The following RPGRIP1 variants were observed in gnomAD, a reference collection of about 807,000 sequenced individuals.
The protein encoded by RPGRIP1 is X-linked retinitis pigmentosa GTPase regulator-interacting protein 1.
In RPGRIP1, 128 loss-of-function variants were observed where a neutral mutation model predicts 157.9. That is an observed-to-expected ratio of 0.81 (90% CI 0.70 to 0.94). RPGRIP1 has a LOEUF of 0.94. Ranked by LOEUF, RPGRIP1 falls within the 40% of genes least tolerant of loss-of-function variation. RPGRIP1 has a pLI of 0.00. For synonymous variants in RPGRIP1, 554 were observed against 571.6 expected, an observed-to-expected ratio of 0.97 and a Z score of 0.44; for missense variants, 1,486 against 1,545.8, an observed-to-expected ratio of 0.96 and a Z score of 0.65.
intron 5 of RPGRIP1, chr14:21,302,802 GT>G (rs1200226472): frequency 3.5e-6 from 1 of 283,734 alleles, no homozygotes; most frequent in Non-Finnish European, 6.6e-6. Context: ...CCATTTCTCA[GT>G]TGAAGGTATT....
At chr14:21,309,395 C>G (rs1196785041) in intron 7 of RPGRIP1, among the ~76,000 whole-genome samples, 2 of 152,026 alleles carry the variant, frequency 1.3e-5, no homozygotes, top group East Asian at 3.9e-4. Flanking sequence ...GCCTGTAGTC[C>G]TAGCTACTAT....
intron 19 of RPGRIP1, among the ~76,000 whole-genome samples, chr14:21,329,201 G>C (rs1183697960): frequency 6.6e-6 from 1 of 151,122 alleles, no homozygotes; most frequent in Non-Finnish European, 1.5e-5. Context: ...TGTAATCCCA[G>C]CTACTCAGTC....
chr14:21,306,240 C>A (rs1472094575), intron 6 of RPGRIP1, among the ~76,000 whole-genome samples: 1 of 141,812 alleles, frequency 7.1e-6, no homozygotes, highest in Non-Finnish European at 1.5e-5. Flanking sequence ...CAAGCAAATT[C>A]TCCTGCCTCA....
chr14:21,317,497 G>A (rs1440927845), intron 10 of RPGRIP1, 199 bp from the exon 11 acceptor site: 1 of 1,323,886 alleles, frequency 7.6e-7, no homozygotes. Context: ...AAACAGAAAT[G>A]GTACTGAGCA....
intron 21 of RPGRIP1, among the ~76,000 whole-genome samples, chr14:21,338,865 G>A (rs1358297702): frequency 2.6e-5 from 4 of 152,238 alleles, no homozygotes; most frequent in Admixed American, 6.5e-5. Flanking sequence ...TTTGCTGGGT[G>A]TGGTGGCTCA....
At chr14:21,283,292 A>T (rs1880196214) in intron 1 of RPGRIP1, among the ~76,000 whole-genome samples, 1 of 151,880 alleles carries the variant, frequency 6.6e-6, no homozygotes. Context: ...ATGCTACTCT[A>T]TTTATTTTAT....
intron 3 of RPGRIP1, among the ~76,000 whole-genome samples, chr14:21,298,611 T>C (rs1248095804): frequency 6.6e-6 from 1 of 150,922 alleles, no homozygotes; most frequent in Non-Finnish European, 1.5e-5. Context: ...TGCTTTCTCA[T>C]TGTAACCCCC....
At chr14:21,324,553 C>G (rs757973960) in intron 14 of RPGRIP1, 65 bp from the exon 15 acceptor site, 43 of 1,319,996 alleles carry the variant, frequency 3.3e-5, no homozygotes, top group Non-Finnish European at 4.3e-5. Flanking sequence ...TTTTGTCCAC[C>G]CTCCTCTACC....
At chr14:21,285,337 GGCTCAA>G (rs1199201831) in intron 1 of RPGRIP1, among the ~76,000 whole-genome samples, 4 of 151,940 alleles carry the variant, frequency 2.6e-5, no homozygotes, top group African/African-American at 7.3e-5. Context: ...CAGGTGCAGT[GGCTCAA>G]GCCTGTAATC....
intron 3 of RPGRIP1, among the ~76,000 whole-genome samples, chr14:21,296,819 G>A (rs367697746): frequency 6.6e-6 from 1 of 151,788 alleles, no homozygotes; most frequent in Admixed American, 6.6e-5. Context: ...GCTGGGCGTG[G>A]TGGTGGGCGC....
intron 2 of RPGRIP1, among the ~76,000 whole-genome samples, chr14:21,288,414 C>CA (rs1193810000): frequency 2.0e-5 from 3 of 152,024 alleles, no homozygotes; most frequent in Non-Finnish European, 4.4e-5. Context: ...TTCCTGACCT[C>CA]AAGGGATCTG....
chr14:21,346,533 C>T (rs993342377), intron 23 of RPGRIP1, among the ~76,000 whole-genome samples: 1 of 151,770 alleles, frequency 6.6e-6, no homozygotes, highest in Non-Finnish European at 1.5e-5. Flanking sequence ...ACCTGGGTGA[C>T]AAAGCAGACT....
At chr14:21,331,729 TCTTGG>T (rs1883816204) in intron 20 of RPGRIP1, among the ~76,000 whole-genome samples, 1 of 152,116 alleles carries the variant, frequency 6.6e-6, no homozygotes, top group Non-Finnish European at 1.5e-5. Flanking sequence ...GTGTTCTATT[TCTTGG>T]CTGAACGGTG....
At chr14:21,323,786 C>T (rs1023636833) in intron 14 of RPGRIP1, 7 of 150,398 alleles carry the variant, frequency 4.7e-5, no homozygotes, top group Admixed American at 2.7e-4. Flanking sequence ...TCTCCTTATT[C>T]GTGTGTGTGT....
At chr14:21,300,641 A>T (rs1880981419) in intron 3 of RPGRIP1, among the ~76,000 whole-genome samples, 1 of 151,686 alleles carries the variant, frequency 6.6e-6, no homozygotes, top group South Asian at 2.1e-4. Context: ...ATTTATTAGT[A>T]CAAAAACAAG....
intron 23 of RPGRIP1, among the ~76,000 whole-genome samples, chr14:21,346,040 ACCC>A (rs1391289376): frequency 6.6e-6 from 1 of 151,750 alleles, no homozygotes; most frequent in East Asian, 1.9e-4. Context: ...GCTGATCCCA[ACCC>A]CAGGTGATCC....
intron 13 of RPGRIP1, 133 bp downstream of exon 13, chr14:21,321,535 A>G: frequency 1.4e-6 from 2 of 1,450,976 alleles, no homozygotes; most frequent in Non-Finnish European, 1.8e-6. Flanking sequence ...CAAACACACA[A>G]TGGCTGTCCT....
In RPGRIP1 at chr14:21,325,873, G is replaced by C. The variant is rs367869842; in HGVS notation, c.2410G>C (p.Glu804Gln). ...GGAACCTCAGAACGAGCTGTGGATTGAAATCACCAAGTGCTGTGGCCTCCG... is the reference window on the plus strand; with the variant it reads ...GGAACCTCAGAACGAGCTGTGGATTCAAATCACCAAGTGCTGTGGCCTCCG... ...SWEPQNELWI[E>Q]ITKCCGLRSR... Residue 804 changes from glutamate to glutamine, a missense_variant, in exon 17 of 25, where the codon GAA (glutamate) becomes CAA (glutamine). Transcript: ENST00000400017. 1 of 1,613,728 alleles carries C rather than the reference G, an allele frequency of 6.2e-7. No individual in the cohort carries two copies. The highest frequency in any genetic ancestry group is 2.2e-5 in the East Asian group (1 of 44,894).
chr14:21,298,904 T>C (rs1432478704), intron 3 of RPGRIP1, among the ~76,000 whole-genome samples: 1 of 137,198 alleles, frequency 7.3e-6, no homozygotes, highest in African/African-American at 2.8e-5. Context: ...CGCACCACTG[T>C]GCTCCAGCCT....
Sources: gnomAD v4.1 joint callset for allele counts (sites outside exome capture counted in the v4.1 genomes callset) on GRCh38, gnomAD v4.1.1 for gene constraint, MANE v1.5 for transcripts, NCBI Gene and HGNC (gene_info 2026-07-23, HGNC 2026-07-21) for gene names.